The following S100PBP variants were observed in gnomAD, a reference collection of about 807,000 sequenced individuals.
S100PBP encodes S100P-binding protein.
S100PBP carries 15 observed loss-of-function variants against 39.9 expected under a neutral mutation model. That is an observed-to-expected ratio of 0.38 (90% CI 0.25 to 0.58). The LOEUF (loss-of-function observed/expected upper bound fraction) is 0.58, where lower values mean the gene tolerates loss of function less well. Among genes scored for constraint, S100PBP ranks in the 20% least tolerant of loss-of-function variants. The pLI is 0.70. For missense variants in S100PBP, 504 were observed against 487.3 expected (o/e 1.03, Z -0.32); for synonymous variants, 178 against 180.3 (o/e 0.99, Z 0.10).
chr1:32,851,074 C>G (rs1640589123), intron 5 of S100PBP, among the ~76,000 whole-genome samples: 1 of 152,108 alleles, frequency 6.6e-6, no homozygotes. Flanking sequence ...GAGTAGTGAG[C>G]CCTGAAGAAG....
Position 32,856,214 on chromosome 1 carries a change from T to A in S100PBP, c.*176T>A, listed in dbSNP as rs138295723. 27 of 453,414 alleles carry A rather than the reference T, an allele frequency of 6.0e-5. No homozygotes were observed. Among genetic ancestry groups the A allele is most frequent in the Admixed American group, 1.1e-4 (3 of 27,048 alleles). 28.1% of individuals were successfully genotyped at this position (453,414 alleles called of 1,614,324 possible). On this transcript the variant is annotated 3_prime_UTR_variant, in exon 7 of 7. Transcript: ENST00000373475. ...CCCATTGCCGACTTGAATTTTTTTG[T>A]ATGAAGTCCCTCCTGATTTTGTGTG...
At chr1:32,830,472 T>C (rs1477260413) in intron 5 of S100PBP, among the ~76,000 whole-genome samples, 1 of 152,226 alleles carries the variant, frequency 6.6e-6, no homozygotes, top group Non-Finnish European at 1.5e-5. Flanking sequence ...AAAGCAGGCA[T>C]TTCAAACACC....
intron 1 of S100PBP, among the ~76,000 whole-genome samples, chr1:32,822,687 A>C (rs1420491369): frequency 6.6e-6 from 1 of 152,000 alleles, no homozygotes; most frequent in Non-Finnish European, 1.5e-5. Flanking sequence ...GTACAAATTA[A>C]AATTATCTCC....
chr1:32,858,748 C>T lies in S100PBP; in HGVS notation c.*2710C>T, dbSNP rs1233492981. 2.0e-5 allele frequency: 3 copies of T among 152,088 alleles called. No homozygotes were observed. The highest frequency in any genetic ancestry group is 7.2e-5 in the African/African-American group (3 of 41,414). The allele number at this position is 152,088 out of a possible 1,614,324, so 9.4% of individuals were successfully genotyped here. A position where few individuals can be genotyped will look rare whatever the true frequency, so the allele number is the denominator to read the frequency against. On this transcript the variant is annotated 3_prime_UTR_variant, in exon 7 of 7. Coordinates refer to ENST00000373475, the MANE Select transcript of S100PBP (RefSeq NM_022753.4). ...TAACCTGTAGTTTCGAATGCAGGCC[C>T]TGATTTACTGGCGTTGTCAGTTTCA...
chr1:32,834,667 C>T (rs1274847184), intron 5 of S100PBP, among the ~76,000 whole-genome samples: 1 of 152,160 alleles, frequency 6.6e-6, no homozygotes, highest in African/African-American at 2.4e-5. Context: ...GTGTTAACTG[C>T]CATGTCTTCC....
intron 1 of S100PBP, among the ~76,000 whole-genome samples, chr1:32,823,144 T>C (rs911497539): frequency 3.9e-5 from 6 of 152,232 alleles, no homozygotes; most frequent in Non-Finnish European, 8.8e-5. Flanking sequence ...GAAAAATCTA[T>C]TGAACTCTCC....
At chr1:32,836,451 GT>G (rs955152266) in intron 5 of S100PBP, 157 of 777,368 alleles carry the variant, frequency 2.0e-4, no homozygotes, top group Middle Eastern at 6.5e-4. Flanking sequence ...GTTTTTGTTT[GT>G]TTTTTTTTAT....
intron 2 of S100PBP, among the ~76,000 whole-genome samples, chr1:32,825,658 A>T (rs1226406248): frequency 6.6e-6 from 1 of 152,164 alleles, no homozygotes; most frequent in African/African-American, 2.4e-5. Flanking sequence ...ACATACCATG[A>T]TTTACTGAAC....
At chr1:32,836,434 T>G in intron 5 of S100PBP, 4 of 587,950 alleles carry the variant, frequency 6.8e-6, no homozygotes, top group Non-Finnish European at 8.6e-6. Flanking sequence ...GCCTGGCTTG[T>G]GTTTTTGTTT....
At chr1:32,835,215 TC>T (rs1347946614) in intron 5 of S100PBP, 1 of 152,226 alleles carries the variant, frequency 6.6e-6, no homozygotes, top group Admixed American at 6.5e-5. Flanking sequence ...GTAAAGATTT[TC>T]TATTACTTTA....
At chr1:32,831,529 A>C (rs1639598707) in intron 5 of S100PBP, among the ~76,000 whole-genome samples, 2 of 152,088 alleles carry the variant, frequency 1.3e-5, no homozygotes, top group African/African-American at 4.8e-5. Context: ...TTTGTTTTAT[A>C]AGATTATGAT....
At chr1:32,823,395 G>A (rs1422826059) in intron 1 of S100PBP, among the ~76,000 whole-genome samples, 1 of 152,308 alleles carries the variant, frequency 6.6e-6, no homozygotes, top group Non-Finnish European at 1.5e-5. Flanking sequence ...TTTCATAGAG[G>A]CAGCTGCTTC....
chr1:32,826,884 C>A lies in S100PBP; in HGVS notation c.785C>A (p.Ser262Ter). 1 of 1,606,422 alleles carries A rather than the reference C, an allele frequency of 6.2e-7. No individual in the cohort carries two copies. The highest frequency in any genetic ancestry group is 1.1e-5 in the South Asian group (1 of 89,090). The change falls in exon 3 of 7, where the codon TCA (serine) becomes TAA (stop). Residue 262 changes from serine (S) to a stop codon, truncating the protein, a stop_gained. Transcript: ENST00000373475. LOFTEE classifies it high-confidence loss of function. ...TGCAGAAATGGTGGTTCACACAAGT[C>A]AAGTTGTGAAATGAGATCTCTGGTT... ...LSCRNGGSHK[S>*]SCEMRSLVVS...
At chr1:32,833,055 A>G (rs190089826) in intron 5 of S100PBP, among the ~76,000 whole-genome samples, 5 of 152,332 alleles carry the variant, frequency 3.3e-5, no homozygotes, top group Non-Finnish European at 7.3e-5. Context: ...GCAAATGGAA[A>G]ACTTTCTATG....
At chr1:32,849,041 A>C (rs1640500394) in intron 5 of S100PBP, among the ~76,000 whole-genome samples, 1 of 152,258 alleles carries the variant, frequency 6.6e-6, no homozygotes, top group African/African-American at 2.4e-5. Flanking sequence ...GATGAGGTTC[A>C]AACTATAAGC....
In S100PBP at chr1:32,826,443, A is replaced by C. The variant is rs745695882; in HGVS notation, c.344A>C (p.Lys115Thr). 1.2e-6 allele frequency: 2 copies of C among 1,614,160 alleles called. No homozygotes were observed. The highest frequency in any genetic ancestry group is 1.7e-6 in the Non-Finnish European group (2 of 1,180,024). The change falls in exon 3 of 7, where the codon AAA becomes ACA. Residue 115 changes from lysine to threonine, a missense_variant. Transcript: ENST00000373475. Reference sequence around the variant, plus strand: ...GTAGCTGAGACTCCTGACCTCTTCAAACTACCTCAGCTAAGTACATCAAGT... The same window carrying C: ...GTAGCTGAGACTCCTGACCTCTTCACACTACCTCAGCTAAGTACATCAAGT... ...GPVAETPDLFKLPQLSTSSGH... is the reference protein window; with the variant it reads ...GPVAETPDLFTLPQLSTSSGH...
intron 6 of S100PBP, among the ~76,000 whole-genome samples, chr1:32,855,606 GT>G (rs11321498): frequency 0.076 from 11,382 of 149,206 alleles, 557 homozygotes; most frequent in Middle Eastern, 0.17. Context: ...GAATAAAATG[GT>G]TTTTTTTTTC....
At chr1:32,841,051 C>T (rs575028425) in intron 5 of S100PBP, among the ~76,000 whole-genome samples, 1 of 151,770 alleles carries the variant, frequency 6.6e-6, no homozygotes, top group African/African-American at 2.4e-5. Flanking sequence ...GTCCCAGCTA[C>T]TCAGGAGGCT....
rs1270498225 is a variant in S100PBP at position 32,830,770 on chromosome 1, G to C, written c.1024+703G>C. ...TATTAAAAAGATCACTCCAGGCTAG[G>C]CATGGTGGCTCATGCCTGTAATCTC... On this transcript the variant is annotated intron_variant, in intron 5 of 6. Coordinates refer to ENST00000373475, the MANE Select transcript of S100PBP (RefSeq NM_022753.4). 3.3e-5 allele frequency among the ~76,000 whole-genome samples: 5 copies of C among 152,188 alleles called. No homozygotes were observed. In the East Asian group the frequency reaches 9.6e-4, roughly 29 times the overall value.
Sources: gnomAD v4.1 joint callset for allele counts (sites outside exome capture counted in the v4.1 genomes callset) on GRCh38, gnomAD v4.1.1 for gene constraint, MANE v1.5 for transcripts, NCBI Gene and HGNC (gene_info 2026-07-23, HGNC 2026-07-21) for gene names.